The following PDIK1L variants were observed in gnomAD, a reference collection of about 807,000 sequenced individuals.
PDIK1L encodes the protein PDLIM1 interacting kinase 1 like.
Under a neutral mutation model 27.1 loss-of-function variants are expected in PDIK1L, and 9 were observed. The observed-to-expected ratio is 0.33, with a 90% CI of 0.20 to 0.58. PDIK1L has a LOEUF of 0.58. PDIK1L is among the 20% of genes least tolerant of loss of function. PDIK1L has a pLI of 0.86. For missense variants in PDIK1L, 216 were observed against 413.2 expected (o/e 0.52, Z 4.14); for synonymous variants, 130 against 141.7 (o/e 0.92, Z 0.59).
In PDIK1L at chr1:26,122,872, A is replaced by C. The variant is rs1418016891; in HGVS notation, c.*295A>C. 4.4e-6 allele frequency: 1 copy of C among 229,132 alleles called. No homozygotes were observed. The highest frequency in any genetic ancestry group is 2.3e-5 in the African/African-American group (1 of 43,694). The allele number at this position is 229,132 out of a possible 1,614,324, so 14.2% of individuals were successfully genotyped here. ...GAGAAGAGAGTCCAGTTTTCTGGAA[A>C]TATGTCTTTAAGTATTTTAGACATT... On this transcript the variant is annotated 3_prime_UTR_variant, in exon 3 of 3. Transcript: ENST00000374269. This position sits in a 1 kb window ranked among gnomAD's most constrained non-coding sequence, Gnocchi z 5.4.
chr1:26,120,148 A>AT (rs562337568), intron 2 of PDIK1L, among the ~76,000 whole-genome samples: 106 of 151,762 alleles, frequency 7.0e-4, no homozygotes, highest in South Asian at 2.7e-3. Context: ...TAGTTCTTAG[A>AT]TTTTTTTTTA....
At chr1:26,113,557 G>A (rs1332747261) in intron 1 of PDIK1L, among the ~76,000 whole-genome samples, 1 of 148,440 alleles carries the variant, frequency 6.7e-6, no homozygotes, top group African/African-American at 2.5e-5. Context: ...TTTCATTATT[G>A]TGTAAGAAAT....
intron 2 of PDIK1L, among the ~76,000 whole-genome samples, chr1:26,121,525 G>A (rs1394326686): frequency 6.6e-6 from 1 of 152,200 alleles, no homozygotes; most frequent in African/African-American, 2.4e-5. Context: ...CTATGAGCTA[G>A]CTGGGTAGAG....
chr1:26,123,622 G>A lies in PDIK1L; in HGVS notation c.*1045G>A, dbSNP rs2088030170. On this transcript the variant is annotated 3_prime_UTR_variant, in exon 3 of 3. Coordinates refer to ENST00000374269, the MANE Select transcript of PDIK1L (RefSeq NM_152835.5). Reference sequence around the variant, plus strand: ...CTGCCCTGATATGATCACTTGTTGAGTCACTGGAGTTCCTTTCATTTTGGC... The same window carrying A: ...CTGCCCTGATATGATCACTTGTTGAATCACTGGAGTTCCTTTCATTTTGGC... The A allele has an allele frequency of 6.6e-6, 1 of 152,574 alleles. No individual in the cohort carries two copies. The highest frequency in any genetic ancestry group is 1.5e-5 in the Non-Finnish European group (1 of 68,024). The allele number at this position is 152,574 out of a possible 1,614,324, so 9.5% of individuals were successfully genotyped here.
At chr1:26,119,859 AT>A (rs200703125) in intron 2 of PDIK1L, among the ~76,000 whole-genome samples, 3 of 152,062 alleles carry the variant, frequency 2.0e-5, no homozygotes, top group Non-Finnish European at 4.4e-5. Context: ...CTCTGTCTCA[AT>A]AAAAAAAAAA....
chr1:26,115,734 G>A (rs532924270), intron 2 of PDIK1L, among the ~76,000 whole-genome samples: 4 of 151,946 alleles, frequency 2.6e-5, no homozygotes, highest in African/African-American at 9.7e-5. Flanking sequence ...CCGGGGAGGC[G>A]GAGCTTGCCG....
intron 1 of PDIK1L, among the ~76,000 whole-genome samples, chr1:26,113,040 T>C (rs190019983): frequency 1.7e-3 from 252 of 152,340 alleles, no homozygotes; most frequent in African/African-American, 5.8e-3. Flanking sequence ...AGGATCTTTG[T>C]TGGCAAAAAT....
At position 26,116,398 on chromosome 1, in the gene PDIK1L, C is replaced by T. The variant is rs545634257; in HGVS notation, c.285+1805C>T. 1.6e-4 allele frequency among the ~76,000 whole-genome samples: 24 copies of T among 151,816 alleles called. No individual in the cohort carries two copies. The South Asian group carries it at 1.9e-3, about 12-fold the overall frequency. Reference sequence around the variant, plus strand: ...GCATGGTGGCATGTGCCTTATAGTCCCAGCTACTTGGGAGGCTGAGGTGGG... The same window carrying T: ...GCATGGTGGCATGTGCCTTATAGTCTCAGCTACTTGGGAGGCTGAGGTGGG... On this transcript the variant is annotated intron_variant, in intron 2 of 2. Transcript: ENST00000374269.
chr1:26,113,912 G>A (rs1348978897), intron 1 of PDIK1L, among the ~76,000 whole-genome samples: 1 of 152,130 alleles, frequency 6.6e-6, no homozygotes, highest in Non-Finnish European at 1.5e-5. Flanking sequence ...GCTTCAGATC[G>A]TGGTCGTCTG....
In PDIK1L at chr1:26,125,543, A is replaced by AG. The variant is rs1431929105; in HGVS notation, c.*2966_*2967insG. 1 of 152,374 alleles carries AG rather than the reference A, an allele frequency of 6.6e-6. No individual in the cohort carries two copies. The highest frequency in any genetic ancestry group is 1.5e-5 in the Non-Finnish European group (1 of 67,930). 9.4% of individuals were successfully genotyped at this position (152,374 alleles called of 1,614,324 possible). ...TAAAGTGAGTTTCAACAAAAAAAAA[A>AG]CTGAAAATTCTACATTGCTGCTTTA... On this transcript the variant is annotated 3_prime_UTR_variant, in exon 3 of 3. Transcript: ENST00000374269.
Position 26,122,761 on chromosome 1 carries a change from A to G in PDIK1L, c.*184A>G. On this transcript the variant is annotated 3_prime_UTR_variant, in exon 3 of 3. Transcript: ENST00000374269. The surrounding 1 kb of genome is among the most constrained non-coding windows in gnomAD (Gnocchi z 5.4). The stretch of plus-strand genomic sequence containing the variant: ...GTTGGCCGTTTTATTAGTATGTTTC[A>G]AATGTGTATTACCAATGTGGGTGTA... 1 of 618,834 alleles carries G rather than the reference A, an allele frequency of 1.6e-6. No individual in the cohort carries two copies. Among genetic ancestry groups the G allele is most frequent in the Non-Finnish European group, 2.5e-6 (1 of 400,244 alleles). 38.3% of individuals were successfully genotyped at this position (618,834 alleles called of 1,614,324 possible). A position where few individuals can be genotyped will look rare whatever the true frequency, so the allele number is the denominator to read the frequency against.
Position 26,123,370 on chromosome 1 carries a change from A to G in PDIK1L, c.*793A>G, listed in dbSNP as rs982653805. On this transcript the variant is annotated 3_prime_UTR_variant, in exon 3 of 3. Transcript: ENST00000374269. ...GGCAGCAGGTTGGTGATTCAGTCCG[A>G]CCTTCTTTAGGTAACCGAGCATTTA... 6.6e-6 allele frequency: 1 copy of G among 152,224 alleles called. No individual in the cohort carries two copies. Among genetic ancestry groups the G allele is most frequent in the Admixed American group, 6.6e-5 (1 of 15,252 alleles). 9.4% of individuals were successfully genotyped at this position (152,224 alleles called of 1,614,324 possible).
At chr1:26,113,006 C>CT (rs1205463690) in intron 1 of PDIK1L, among the ~76,000 whole-genome samples, 1 of 152,242 alleles carries the variant, frequency 6.6e-6, no homozygotes, top group African/African-American at 2.4e-5. Flanking sequence ...CCCAAGAACT[C>CT]TGTCAGAGAG....
intron 2 of PDIK1L, among the ~76,000 whole-genome samples, chr1:26,117,204 G>A (rs2087894324): frequency 1.3e-5 from 2 of 151,278 alleles, no homozygotes; most frequent in South Asian, 4.2e-4. Flanking sequence ...GCTAATTTTT[G>A]TATGTTTAGT....
In PDIK1L at chr1:26,121,830, C is replaced by T. The variant is rs1190231802; in HGVS notation, c.286-7C>T. 3.1e-6 allele frequency: 5 copies of T among 1,595,818 alleles called. No homozygotes were observed. In the Admixed American group the frequency reaches 5.4e-5, roughly 17 times the overall value. On this transcript the variant is annotated splice_region_variant and splice_polypyrimidine_tract_variant and intron_variant, in intron 2 of 2. Coordinates refer to ENST00000374269, the MANE Select transcript of PDIK1L (RefSeq NM_152835.5). ...ATGATTGTAATCTTTTTTCTTCCTT[C>T]TTGTAGCTTGTAGAAACTTCATTAA...
intron 2 of PDIK1L, among the ~76,000 whole-genome samples, chr1:26,117,902 TACAAAA>T (rs1267129869): frequency 2.6e-5 from 4 of 151,162 alleles, no homozygotes; most frequent in African/African-American, 9.7e-5. Flanking sequence ...CTACGAAAAA[TACAAAA>T]AGTTAGCTGG....
Position 26,114,227 on chromosome 1 carries a change from A to T in PDIK1L, c.-17-65A>T, listed in dbSNP as rs56134135. The T allele has an allele frequency of 0.16, 231,911 of 1,424,030 alleles. 20,112 individuals carry two copies. The highest frequency in any genetic ancestry group is 0.2 in the African/African-American group (14,083 of 70,046). 88.2% of individuals were successfully genotyped at this position (1,424,030 alleles called of 1,614,324 possible). On this transcript the variant is annotated intron_variant, in intron 1 of 2. Coordinates refer to ENST00000374269, the MANE Select transcript of PDIK1L (RefSeq NM_152835.5). The surrounding 1 kb of genome is among the most constrained non-coding windows in gnomAD (Gnocchi z 4.8). ...CAGACAGATGACAAGTAAATCATAC[A>T]TAAGAAGAAATACAAGCCAGTAGGT...
Position 26,124,195 on chromosome 1 carries a change from A to G in PDIK1L, c.*1618A>G, listed in dbSNP as rs2088038809. 1.3e-5 allele frequency: 2 copies of G among 152,588 alleles called. No individual in the cohort carries two copies. The highest frequency in any genetic ancestry group is 2.9e-5 in the Non-Finnish European group (2 of 68,026). The allele number at this position is 152,588 out of a possible 1,614,324, so 9.5% of individuals were successfully genotyped here. ...AATAGAATGTAAAACATCACAAAAA[A>G]AATTGCAGTACATAAAATTTCTGGA... On this transcript the variant is annotated 3_prime_UTR_variant, in exon 3 of 3. Coordinates refer to ENST00000374269, the MANE Select transcript of PDIK1L (RefSeq NM_152835.5).
chr1:26,112,924 C>T (rs1423387150), intron 1 of PDIK1L, among the ~76,000 whole-genome samples: 1 of 152,366 alleles, frequency 6.6e-6, no homozygotes, highest in Non-Finnish European at 1.5e-5. Flanking sequence ...TTTAGACTTT[C>T]TCCATTCAAC....
Sources: allele counts gnomAD v4.1 joint callset (sites outside exome capture counted in the v4.1 genomes callset), GRCh38; gene constraint gnomAD v4.1.1; non-coding constraint Gnocchi (gnomAD v3.1); transcripts MANE v1.5; gene names NCBI Gene and HGNC (gene_info 2026-07-23, HGNC 2026-07-21).